Variants in GRM1 observed in about 807,000 individuals in gnomAD.
GRM1 encodes the protein glutamate metabotropic receptor 1.
Under a neutral mutation model 90.9 loss-of-function variants are expected in GRM1, and 33 were observed. The observed-to-expected ratio is 0.36, with a 90% CI of 0.28 to 0.49. The LOEUF is 0.49. Among genes scored for constraint, GRM1 ranks in the 20% least tolerant of loss-of-function variants. GRM1 has a pLI of 0.99. For synonymous variants in GRM1, 700 were observed against 613.2 expected (o/e 1.14, Z -2.09); for missense variants, 1,190 against 1,534.3 (o/e 0.78, Z 3.75).
At chr6:146,240,557 C>G (rs1469202567) in intron 2 of GRM1, among the ~76,000 whole-genome samples, 1 of 152,110 alleles carries the variant, frequency 6.6e-6, no homozygotes, top group Non-Finnish European at 1.5e-5. Flanking sequence ...TCTCCCTCTC[C>G]TCCTACTCTC....
At chr6:146,223,259 T>A (rs1780132498) in intron 2 of GRM1, among the ~76,000 whole-genome samples, 1 of 152,080 alleles carries the variant, frequency 6.6e-6, no homozygotes, top group South Asian at 2.1e-4. Flanking sequence ...TATGCCCCAG[T>A]CTTATCTAAA....
intron 1 of GRM1, among the ~76,000 whole-genome samples, chr6:146,129,389 T>C (rs1776309152): frequency 6.6e-6 from 1 of 152,066 alleles, no homozygotes; most frequent in Non-Finnish European, 1.5e-5. Context: ...AGAATTCCCG[T>C]GTGTGTGTGA....
At chr6:146,396,185 T>C (rs918451481) in intron 6 of GRM1, among the ~76,000 whole-genome samples, 1 of 152,092 alleles carries the variant, frequency 6.6e-6, no homozygotes, top group African/African-American at 2.4e-5. Context: ...AGGATTAGTA[T>C]GTGACTTTAT....
At position 146,176,034 on chromosome 6, in the gene GRM1, T is replaced by C. The variant is rs1467719554; in HGVS notation, c.950+16437T>C. 2.6e-5 allele frequency among the ~76,000 whole-genome samples: 4 copies of C among 152,116 alleles called. No homozygotes were observed. The East Asian group carries it at 7.7e-4, about 29-fold the overall frequency. On this transcript the variant is annotated intron_variant, in intron 2 of 7. Transcript: ENST00000282753. ...ATTCTGAAGATTAAATAATAAAATA[T>C]AATCATGATAAGGGCACAGTTTTGT...
chr6:146,434,505 C>T lies in GRM1; in HGVS notation c.3294C>T (p.Asp1098=), dbSNP rs1321548494. 1 of 1,614,080 alleles carries T rather than the reference C, an allele frequency of 6.2e-7. No individual in the cohort carries two copies. Among genetic ancestry groups the T allele is most frequent in the South Asian group, 1.1e-5 (1 of 91,088 alleles). Residue 1098 remains aspartate, a synonymous_variant, in exon 8 of 8, where the codon GAC becomes GAT. Coordinates refer to ENST00000282753, the MANE Select transcript of GRM1 (RefSeq NM_001278064.2). ...ELVSPPADDD[D]DSERFKLLQE... is the part of the protein sequence containing the mutation. ...TCTCCCCGCCCGCGGACGACGACGA[C>T]GACAGCGAGAGGTTTAAGCTCCTCC...
chr6:146,238,044 C>G (rs140412859), intron 2 of GRM1, among the ~76,000 whole-genome samples: 50 of 152,302 alleles, frequency 3.3e-4, no homozygotes, highest in African/African-American at 1.2e-3. Context: ...TGTGGCTTCA[C>G]TGACACCATC....
chr6:146,106,345 G>A (rs1194400389), intron 1 of GRM1, among the ~76,000 whole-genome samples: 1 of 152,172 alleles, frequency 6.6e-6, no homozygotes, highest in Non-Finnish European at 1.5e-5. Flanking sequence ...AGACCCTTAA[G>A]ATACCTTTGT....
At chr6:146,242,715 G>A (rs565774219) in intron 2 of GRM1, among the ~76,000 whole-genome samples, 25 of 152,100 alleles carry the variant, frequency 1.6e-4, no homozygotes, top group Non-Finnish European at 2.5e-4. Context: ...AGCTTCCACC[G>A]TACCTCCATC....
At chr6:146,174,563 G>A (rs764708010) in intron 2 of GRM1, among the ~76,000 whole-genome samples, 6 of 152,118 alleles carry the variant, frequency 3.9e-5, no homozygotes, top group Non-Finnish European at 8.8e-5. Flanking sequence ...TCTATGTACT[G>A]AGTTTGGTCA....
chr6:146,378,777 T>A (rs949942647), intron 5 of GRM1, among the ~76,000 whole-genome samples: 3 of 152,060 alleles, frequency 2.0e-5, no homozygotes, highest in Non-Finnish European at 4.4e-5. Context: ...GCATAATAGG[T>A]CTTGAAATGT....
At chr6:146,238,938 G>A (rs1243938598) in intron 2 of GRM1, among the ~76,000 whole-genome samples, 1 of 152,102 alleles carries the variant, frequency 6.6e-6, no homozygotes, top group Non-Finnish European at 1.5e-5. Context: ...TGCATTAATA[G>A]TTCAGTTCAC....
chr6:146,287,658 G>A (rs1030638489), intron 2 of GRM1, among the ~76,000 whole-genome samples: 2 of 152,120 alleles, frequency 1.3e-5, no homozygotes, highest in African/African-American at 2.4e-5. Context: ...CATAAATTTA[G>A]CCTCTCAGCT....
intron 3 of GRM1, among the ~76,000 whole-genome samples, chr6:146,308,285 A>G (rs1446299774): frequency 6.6e-6 from 1 of 152,216 alleles, no homozygotes; most frequent in Non-Finnish European, 1.5e-5. Flanking sequence ...AGTTTTGGTA[A>G]CATGACAACA....
At chr6:146,350,231 A>G (rs1785353402) in intron 3 of GRM1, among the ~76,000 whole-genome samples, 2 of 152,248 alleles carry the variant, frequency 1.3e-5, no homozygotes, top group South Asian at 2.1e-4. Flanking sequence ...TCTATGTAAA[A>G]TAAATCTTAA....
intron 5 of GRM1, among the ~76,000 whole-genome samples, chr6:146,368,263 G>GT (rs1562643880): frequency 3.6e-5 from 5 of 138,010 alleles, no homozygotes; most frequent in African/African-American, 1.4e-4. Flanking sequence ...TTTTTTTTGG[G>GT]GGGGGGGGTA....
chr6:146,327,568 A>G (rs1784437448), intron 3 of GRM1, among the ~76,000 whole-genome samples: 1 of 152,156 alleles, frequency 6.6e-6, no homozygotes. Context: ...TACAAAGGCT[A>G]TTTTCTATAG....
intron 2 of GRM1, among the ~76,000 whole-genome samples, chr6:146,266,814 A>T (rs949520876): frequency 6.6e-6 from 1 of 152,170 alleles, no homozygotes. Flanking sequence ...CTTCCCATTC[A>T]AGGTCCCTGT....
chr6:146,260,028 A>G (rs141360825), intron 2 of GRM1, among the ~76,000 whole-genome samples: 123 of 150,746 alleles, frequency 8.2e-4, no homozygotes, highest in African/African-American at 2.8e-3. Flanking sequence ...TTTTTATTAT[A>G]CTTTAAGTTC....
At chr6:146,408,582 A>T (rs1409082272) in intron 7 of GRM1, among the ~76,000 whole-genome samples, 1 of 152,240 alleles carries the variant, frequency 6.6e-6, no homozygotes, top group African/African-American at 2.4e-5. Flanking sequence ...ATACTATACT[A>T]ACATAAAATT....
Sources: allele counts gnomAD v4.1 joint callset (sites outside exome capture counted in the v4.1 genomes callset), GRCh38; gene constraint gnomAD v4.1.1; transcripts MANE v1.5; gene names NCBI Gene and HGNC (gene_info 2026-07-23, HGNC 2026-07-21).